ZNF341: variants seen among roughly 807,000 people sequenced by gnomAD.
ZNF341 encodes zinc finger protein 341.
In ZNF341, 52 loss-of-function variants were observed where a neutral mutation model predicts 87.7. That is an observed-to-expected ratio of 0.59 (90% CI 0.47 to 0.75). The LOEUF (loss-of-function observed/expected upper bound fraction) is 0.75, where lower values mean the gene tolerates loss of function less well. Among genes scored for constraint, ZNF341 ranks in the 30% least tolerant of loss-of-function variants. The probability of loss-of-function intolerance (pLI) is 0.00; values close to 1 mark genes in which losing one functional copy is unlikely to be tolerated. For missense variants in ZNF341, 977 were observed against 1,145.9 expected (o/e 0.85, Z 2.13); for synonymous variants, 459 against 472.7 (o/e 0.97, Z 0.38).
intron 14 of ZNF341, among the ~76,000 whole-genome samples, chr20:33,789,862 A>C (rs1409952885): frequency 6.6e-6 from 1 of 152,020 alleles, no homozygotes; most frequent in Non-Finnish European, 1.5e-5. Context: ...AGTGTAATAG[A>C]GGTGTGGACG....
In ZNF341 at chr20:33,757,268, G is replaced by A; in HGVS notation, c.862G>A (p.Gly288Ser). The A allele has an allele frequency of 1.2e-6, 2 of 1,605,938 alleles. No individual in the cohort carries two copies. Among genetic ancestry groups the A allele is most frequent in the Non-Finnish European group, 1.7e-6 (2 of 1,176,876 alleles). ...CGCCCCCATGACCAGCGCCACCGGG[G>A]GCACGGTGGCCACCTTTGACTCTCC... ...PAAPMTSATG[G>S]TVATFDSPAT... Residue 288 changes from glycine (G) to serine (S), a missense_variant, in exon 6 of 15, where the codon GGC (glycine) becomes AGC (serine). Physicochemically the swap from Gly to Ser is moderately conservative, Grantham distance 56 (BLOSUM62 0). Coordinates refer to ENST00000375200, the MANE Select transcript of ZNF341 (RefSeq NM_001282933.2).
intron 4 of ZNF341, chr20:33,752,108 G>C (rs1269398021): frequency 1.7e-5 from 6 of 344,970 alleles, no homozygotes; most frequent in Non-Finnish European, 2.2e-5. Context: ...CTGCAAGCAA[G>C]CCCCCCCCCC....
chr20:33,787,686 C>T (rs1423491794), intron 12 of ZNF341: 1 of 152,262 alleles, frequency 6.6e-6, no homozygotes, highest in African/African-American at 2.4e-5. Flanking sequence ...CTCTGGATCA[C>T]GCTGCTGGGC....
intron 1 of ZNF341, among the ~76,000 whole-genome samples, chr20:33,740,692 G>T (rs1221584511): frequency 6.6e-6 from 1 of 152,118 alleles, no homozygotes; most frequent in Non-Finnish European, 1.5e-5. Flanking sequence ...TTTTTGTAGA[G>T]GTGGAGTCTC....
intron 10 of ZNF341, among the ~76,000 whole-genome samples, chr20:33,779,443 T>A (rs2122722827): frequency 6.8e-6 from 1 of 147,576 alleles, no homozygotes; most frequent in Non-Finnish European, 1.5e-5. Flanking sequence ...TCTGTGACAA[T>A]CTCCCTTTTT....
At chr20:33,742,283 G>A (rs562036450) in intron 2 of ZNF341, among the ~76,000 whole-genome samples, 2 of 152,144 alleles carry the variant, frequency 1.3e-5, no homozygotes, top group South Asian at 2.1e-4. Flanking sequence ...TGCAACCTCC[G>A]CCTCCCGGGT....
chr20:33,732,228 CG>C lies in ZNF341; in HGVS notation c.31+181del, dbSNP rs2018583001. 6.7e-6 allele frequency among the ~76,000 whole-genome samples: 1 copy of C among 148,666 alleles called. No homozygotes were observed. Among genetic ancestry groups the C allele is most frequent in the African/African-American group, 2.5e-5 (1 of 40,660 alleles). ...GAACAGCGCGGGAGCCGAGGCCCGG[CG>C]GGGGAGCTCCGGGGCCGGAACAGCC... On this transcript the variant is annotated intron_variant, in intron 1 of 14. Transcript: ENST00000375200. The surrounding 1 kb of genome is among the most constrained non-coding windows in gnomAD (Gnocchi z 4.5).
chr20:33,768,930 A>T (rs900075971), intron 9 of ZNF341, among the ~76,000 whole-genome samples: 27 of 152,318 alleles, frequency 1.8e-4, no homozygotes, highest in African/African-American at 6.5e-4. Context: ...TTAGTGAGGA[A>T]ACCCAAAGGA....
intron 10 of ZNF341, among the ~76,000 whole-genome samples, chr20:33,773,140 C>T (rs1044512610): frequency 2.0e-5 from 3 of 152,156 alleles, no homozygotes; most frequent in African/African-American, 7.2e-5. Flanking sequence ...CCCTGCAGCC[C>T]TGGGAGGTAG....
chr20:33,770,229 T>G lies in ZNF341; in HGVS notation c.1559T>G (p.Val520Gly), dbSNP rs1349555939. The G allele has an allele frequency of 6.2e-7, 1 of 1,613,546 alleles. No individual in the cohort carries two copies. Among genetic ancestry groups the G allele is most frequent in the East Asian group, 2.2e-5 (1 of 44,830 alleles). The change falls in exon 10 of 15, where the codon GTG (valine) becomes GGG (glycine). Residue 520 changes from valine (V) to glycine (G), a missense_variant. Physicochemically the swap from Val to Gly is moderately radical, Grantham distance 109. This residue lies in a region of ZNF341 where 241 missense variants were observed against 335.0 expected (regional missense o/e 0.72). Coordinates refer to ENST00000375200, the MANE Select transcript of ZNF341 (RefSeq NM_001282933.2). ...KDFPSLYDLGVHQYSHSLLPQ... is the reference protein window; with the variant it reads ...KDFPSLYDLGGHQYSHSLLPQ... ...TTCCCCTCGCTGTACGACCTGGGCG[T>G]GCACCAGTACTCCCACAGCCTCCTG...
intron 10 of ZNF341, among the ~76,000 whole-genome samples, chr20:33,777,467 T>A (rs2019652033): frequency 1.3e-5 from 2 of 151,490 alleles, no homozygotes; most frequent in Non-Finnish European, 2.9e-5. Flanking sequence ...AAATGCCGTA[T>A]CTACTAAATT....
intron 4 of ZNF341, among the ~76,000 whole-genome samples, chr20:33,749,905 AC>A (rs1355643939): frequency 6.6e-6 from 1 of 151,508 alleles, no homozygotes; most frequent in African/African-American, 2.4e-5. Flanking sequence ...GGTGTGCGCC[AC>A]CACGCCCAGC....
At chr20:33,733,979 A>G (rs2018630973) in intron 1 of ZNF341, among the ~76,000 whole-genome samples, 1 of 152,186 alleles carries the variant, frequency 6.6e-6, no homozygotes, top group African/African-American at 2.4e-5. Flanking sequence ...GGCCAATAGA[A>G]TGGGGTGAGG....
chr20:33,737,214 C>A (rs6057894), intron 1 of ZNF341, among the ~76,000 whole-genome samples: 55,924 of 152,124 alleles, frequency 0.37, 12,440 homozygotes, highest in East Asian at 0.7. Flanking sequence ...GAAAAAGTTA[C>A]ATTCACACAG....
At chr20:33,757,961 G>A (rs2019215596) in intron 6 of ZNF341, among the ~76,000 whole-genome samples, 1 of 152,134 alleles carries the variant, frequency 6.6e-6, no homozygotes, top group African/African-American at 2.4e-5. Flanking sequence ...TGGTGTCAGA[G>A]CAGGCAGCAG....
chr20:33,781,085 G>A (rs1364418550), intron 10 of ZNF341, among the ~76,000 whole-genome samples: 1 of 152,172 alleles, frequency 6.6e-6, no homozygotes, highest in Non-Finnish European at 1.5e-5. Context: ...GGGCAGGGTG[G>A]CCAGCGAGGA....
chr20:33,767,124 A>G (rs867046395), intron 9 of ZNF341, 83 bp downstream of exon 9: 2 of 1,481,426 alleles, frequency 1.4e-6, no homozygotes, highest in African/African-American at 1.4e-5. Context: ...GCTGCCTAGA[A>G]AGGGGTAGGA....
Position 33,771,996 on chromosome 20 carries a change from A to G in ZNF341, c.1622+1704A>G, listed in dbSNP as rs146190937. On this transcript the variant is annotated intron_variant, in intron 10 of 14. Coordinates refer to ENST00000375200, the MANE Select transcript of ZNF341 (RefSeq NM_001282933.2). ...CGCCACTGCACTCAGCCTGAGCGAC[A>G]GAGACGCTTGTCTTAAAAAAAAAAA... Among the ~76,000 whole-genome samples the G allele has an allele frequency of 3.3e-3, 442 of 133,780 alleles. 2 individuals are homozygous for G. Among genetic ancestry groups the G allele is most frequent in the African/African-American group, 0.011 (375 of 34,940 alleles). 87.8% of individuals were successfully genotyped at this position (133,780 alleles called of 152,430 possible). A position where few individuals can be genotyped will look rare whatever the true frequency, so the allele number is the denominator to read the frequency against.
chr20:33,749,143 C>G, intron 4 of ZNF341, 71 bp downstream of exon 4: 1 of 1,544,260 alleles, frequency 6.5e-7, no homozygotes, highest in Non-Finnish European at 8.8e-7. Context: ...GATTCAGAAT[C>G]TTGTAGAATA....
Sources: gnomAD v4.1 joint callset for allele counts (sites outside exome capture counted in the v4.1 genomes callset) on GRCh38, gnomAD v4.1.1 for gene constraint, gnomAD v4.1.1 regional missense constraint, Gnocchi (gnomAD v3.1) non-coding constraint, MANE v1.5 for transcripts, NCBI Gene and HGNC (gene_info 2026-07-23, HGNC 2026-07-21) for gene names.